Variants in AHDC1 observed in about 807,000 individuals in gnomAD.
The protein encoded by AHDC1 is transcription factor Gibbin.
In AHDC1, 7 loss-of-function variants were observed where a neutral mutation model predicts 87.9. The ratio of observed to expected loss-of-function variants is 0.08; its 90% CI spans 0.05 to 0.15. AHDC1 has a LOEUF of 0.15. AHDC1 is among the 10% of genes least tolerant of loss of function. The pLI is 1.00. For missense variants in AHDC1, 1,841 were observed against 2,253.2 expected, an observed-to-expected ratio of 0.82 and a Z score of 3.70; for synonymous variants, 1,051 against 1,006.8, an observed-to-expected ratio of 1.04 and a Z score of -0.83.
At position 27,560,472 on chromosome 1, in the gene AHDC1, C is replaced by T. The variant is rs1327761458; in HGVS notation, c.-628-1589G>A. Among the ~76,000 whole-genome samples, 3 of 152,138 alleles carry T rather than the reference C, an allele frequency of 2.0e-5. No individual in the cohort carries two copies. Among genetic ancestry groups the T allele is most frequent in the East Asian group, 1.9e-4 (1 of 5,200 alleles). ...TGCTGTCCCTGCAGGTTTCCAATCT[C>T]GAGGCCTGTGACTGCAGGCACTGGT... On this transcript the variant is annotated intron_variant, in intron 3 of 8. Coordinates refer to ENST00000673934, the MANE Select transcript of AHDC1 (RefSeq NM_001371928.1). The surrounding 1 kb of genome is among the most constrained non-coding windows in gnomAD (Gnocchi z 4.1).
At chr1:27,572,215 G>A (rs1253587572) in intron 3 of AHDC1, among the ~76,000 whole-genome samples, 1 of 152,114 alleles carries the variant, frequency 6.6e-6, no homozygotes, top group African/African-American at 2.4e-5. Flanking sequence ...GGGTTAAAAG[G>A]TCAATTCACG....
chr1:27,602,180 C>T (rs2089547099), intron 3 of AHDC1, among the ~76,000 whole-genome samples: 1 of 152,100 alleles, frequency 6.6e-6, no homozygotes, highest in Non-Finnish European at 1.5e-5. Context: ...GCCCCAGGGC[C>T]CCCAAGCTGG....
In AHDC1 at chr1:27,562,432, A is replaced by G. The variant is rs563086959; in HGVS notation, c.-628-3549T>C. Among the ~76,000 whole-genome samples the G allele has an allele frequency of 2.0e-5, 3 of 152,184 alleles. No homozygotes were observed. In the East Asian group the frequency reaches 5.8e-4, roughly 29 times the overall value. On this transcript the variant is annotated intron_variant, in intron 3 of 8. Coordinates refer to ENST00000673934, the MANE Select transcript of AHDC1 (RefSeq NM_001371928.1). This position sits in a 1 kb window ranked among gnomAD's most constrained non-coding sequence, Gnocchi z 4.4. ...AGTTTAACAGTTTCAGGGGCAGGAG[A>G]GGCAGGAAATAGGGTCCCCAGGCCC...
chr1:27,569,231 G>T (rs1383811771), intron 3 of AHDC1, among the ~76,000 whole-genome samples: 2 of 152,034 alleles, frequency 1.3e-5, no homozygotes, highest in African/African-American at 2.4e-5. Context: ...CTGCAATCCT[G>T]GCTCCACACT....
chr1:27,538,540 G>T (rs1188787405), intron 8 of AHDC1, among the ~76,000 whole-genome samples: 1 of 150,850 alleles, frequency 6.6e-6, no homozygotes, highest in Admixed American at 6.6e-5. Flanking sequence ...TTTGAGACAG[G>T]TTCTCACTCT....
At position 27,560,539 on chromosome 1, in the gene AHDC1, T is replaced by C. The variant is rs1215995374; in HGVS notation, c.-628-1656A>G. Among the ~76,000 whole-genome samples, 1 of 152,052 alleles carries C rather than the reference T, an allele frequency of 6.6e-6. No homozygotes were observed. The highest frequency in any genetic ancestry group is 1.5e-5 in the Non-Finnish European group (1 of 67,994). ...GTTGCCTCCCTCCCACCTCTGCCTTTCTCTGGGTTTTCAGGGTCATGGTGT... is the reference window on the plus strand; with the variant it reads ...GTTGCCTCCCTCCCACCTCTGCCTTCCTCTGGGTTTTCAGGGTCATGGTGT... On this transcript the variant is annotated intron_variant, in intron 3 of 8. Coordinates refer to ENST00000673934, the MANE Select transcript of AHDC1 (RefSeq NM_001371928.1). This position sits in a 1 kb window ranked among gnomAD's most constrained non-coding sequence, Gnocchi z 4.1.
Position 27,568,765 on chromosome 1 carries a change from C to T in AHDC1, c.-628-9882G>A, listed in dbSNP as rs562652959. On this transcript the variant is annotated intron_variant, in intron 3 of 8. Coordinates refer to ENST00000673934, the MANE Select transcript of AHDC1 (RefSeq NM_001371928.1). ...GCGCCCCTCAGGTGGGAGCCTGCGG[C>T]GGGCCGGGCCGGGCCGGGGCGCTCT... 4.0e-5 allele frequency among the ~76,000 whole-genome samples: 6 copies of T among 151,052 alleles called. No individual in the cohort carries two copies. In the East Asian group the frequency reaches 1.2e-3, roughly 30 times the overall value.
At position 27,550,877 on chromosome 1, in the gene AHDC1, T is replaced by C. The variant is rs2148288100; in HGVS notation, c.1239A>G (p.Leu413=). The part of the protein sequence containing the change: ...RKADAGPEGR[L]LPLPMPTGLV... ...GCCCCGTGGGCATAGGCAGGGGCAG[T>C]AGGCGGCCCTCGGGTCCGGCGTCTG... The change falls in exon 8 of 9, where the codon CTA becomes CTG. Residue 413 remains leucine (L), a synonymous_variant. Transcript: ENST00000673934. 1 of 1,581,792 alleles carries C rather than the reference T, an allele frequency of 6.3e-7. No individual in the cohort carries two copies. Among genetic ancestry groups the C allele is most frequent in the Non-Finnish European group, 8.6e-7 (1 of 1,168,952 alleles).
rs1179505060 is a variant in AHDC1, at chr1:27,552,015, G to T, written c.101C>A (p.Thr34Asn). The change falls in exon 8 of 9, where the codon ACC becomes AAC. Residue 34 changes from threonine to asparagine, a missense_variant. Physicochemically the swap from Thr to Asn is moderately conservative, Grantham distance 65. This residue lies in a region of AHDC1 where 142 missense variants were observed against 165.6 expected (regional missense o/e 0.86). Coordinates refer to ENST00000673934, the MANE Select transcript of AHDC1 (RefSeq NM_001371928.1). ...EPKYYPGGPP[T>N]PRPLLPTRPP... The stretch of plus-strand genomic sequence containing the variant: ...CCGGGTGGGAAGCAGGGGCCGGGGG[G>T]TGGGGGGGCCGCCGGGGTAGTACTT... 7 of 1,470,158 alleles carry T rather than the reference G, an allele frequency of 4.8e-6. No individual in the cohort carries two copies. The Admixed American group carries it at 1.0e-4, about 21-fold the overall frequency. 91.1% of individuals were successfully genotyped at this position (1,470,158 alleles called of 1,614,324 possible).
chr1:27,551,592 T>C lies in AHDC1; in HGVS notation c.524A>G (p.Asn175Ser). 2 of 1,611,316 alleles carry C rather than the reference T, an allele frequency of 1.2e-6. No individual in the cohort carries two copies. The highest frequency in any genetic ancestry group is 1.7e-5 in the Admixed American group (1 of 59,976). Residue 175 changes from asparagine to serine, a missense_variant, in exon 8 of 9, where the codon AAC (asparagine) becomes AGC (serine). Asn to Ser is a conservative substitution (Grantham distance 46). Coordinates refer to ENST00000673934, the MANE Select transcript of AHDC1 (RefSeq NM_001371928.1). ...YSFFSSPSLA[N>S]SIRSPEERAT... is the part of the protein sequence containing the mutation. Reference sequence around the variant, plus strand: ...CCGCTCCTCAGGGCTACGGATGCTGTTGGCCAAACTGGGTGAGGAGAAGAA... The same window carrying C: ...CCGCTCCTCAGGGCTACGGATGCTGCTGGCCAAACTGGGTGAGGAGAAGAA...
Position 27,563,230 on chromosome 1 carries a change from GAC to G in AHDC1, c.-628-4349_-628-4348del, listed in dbSNP as rs200108775. 6.5e-5 allele frequency among the ~76,000 whole-genome samples: 9 copies of G among 138,816 alleles called. No homozygotes were observed. Among genetic ancestry groups the G allele is most frequent in the South Asian group, 2.4e-4 (1 of 4,232 alleles). 91.1% of individuals were successfully genotyped at this position (138,816 alleles called of 152,430 possible). ...CAGAACCTGTCACACAGCTGACCAA[GAC>G]ACACACACACGCACGCATGCATGCA... On this transcript the variant is annotated intron_variant, in intron 3 of 8. Coordinates refer to ENST00000673934, the MANE Select transcript of AHDC1 (RefSeq NM_001371928.1). The surrounding 1 kb of genome is among the most constrained non-coding windows in gnomAD (Gnocchi z 6.1).
rs185685539 is a variant in AHDC1 at position 27,551,300 on chromosome 1, C to T, written c.816G>A (p.Glu272=). 246 of 1,611,636 alleles carry T rather than the reference C, an allele frequency of 1.5e-4. No individual in the cohort carries two copies. The highest frequency in any genetic ancestry group is 1.9e-4 in the Non-Finnish European group (224 of 1,179,322). ...QALEPPSPEP[E]PQLLDPQPRF... ...GGGGCTGGGGGTCCAGGAGCTGAGG[C>T]TCCGGCTCGGGCGATGGTGGCTCGA... Residue 272 remains glutamate (E), a synonymous_variant, in exon 8 of 9, where the codon GAG becomes GAA. Coordinates refer to ENST00000673934, the MANE Select transcript of AHDC1 (RefSeq NM_001371928.1).
chr1:27,578,056 A>G (rs1430385668), intron 3 of AHDC1, among the ~76,000 whole-genome samples: 1 of 152,188 alleles, frequency 6.6e-6, no homozygotes, highest in African/African-American at 2.4e-5. Context: ...ATTCTGGCTC[A>G]TAACTCCTCT....
At chr1:27,586,281 G>A (rs1488454025) in intron 3 of AHDC1, among the ~76,000 whole-genome samples, 1 of 152,094 alleles carries the variant, frequency 6.6e-6, no homozygotes, top group Non-Finnish European at 1.5e-5. Context: ...CGAGAAGAGG[G>A]AGGGAAAGGA....
intron 3 of AHDC1, among the ~76,000 whole-genome samples, chr1:27,569,909 G>A (rs936600370): frequency 3.9e-5 from 6 of 151,966 alleles, no homozygotes; most frequent in African/African-American, 1.2e-4. Context: ...TGGGGGAGGC[G>A]GCACTGTGAT....
Position 27,547,492 on chromosome 1 carries a change from G to C in AHDC1, c.4624C>G (p.Leu1542Val). Residue 1542 changes from leucine (L) to valine (V), a missense_variant, in exon 8 of 9, where the codon CTC becomes GTC. Transcript: ENST00000673934. The surrounding 1 kb of genome is among the most constrained non-coding windows in gnomAD (Gnocchi z 4.9). ...AAAAAGYGCPLLSDLTLSPVP... is the reference protein window; with the variant it reads ...AAAAAGYGCPVLSDLTLSPVP... The stretch of plus-strand genomic sequence containing the variant: ...GGGGACAGGGTCAAGTCACTAAGGA[G>C]TGGGCAGCCATAGCCAGCAGCGGCT... 6.2e-7 allele frequency: 1 copy of C among 1,605,786 alleles called. No homozygotes were observed. Among genetic ancestry groups the C allele is most frequent in the Non-Finnish European group, 8.5e-7 (1 of 1,174,490 alleles).
rs766220211 is a variant in AHDC1 at position 27,547,549 on chromosome 1, G to A, written c.4567C>T (p.Arg1523Trp). 17 of 1,610,946 alleles carry A rather than the reference G, an allele frequency of 1.1e-5. No homozygotes were observed. The highest frequency in any genetic ancestry group is 1.7e-4 in the Middle Eastern group (1 of 6,024). Residue 1523 changes from arginine (R) to tryptophan (W), a missense_variant, in exon 8 of 9, where the codon CGG becomes TGG. Arg to Trp is a moderately radical substitution (Grantham distance 101, BLOSUM62 -3). Coordinates refer to ENST00000673934, the MANE Select transcript of AHDC1 (RefSeq NM_001371928.1). The surrounding 1 kb of genome is among the most constrained non-coding windows in gnomAD (Gnocchi z 4.9). Reference protein sequence around the residue: ...KADKEPLEMARPPGPPRGPAA... With the variant: ...KADKEPLEMAWPPGPPRGPAA... ...GGGCCACGGGGTGGGCCAGGGGGCCGGGCCATTTCCAGTGGCTCCTTGTCG... is the reference window on the plus strand; with the variant it reads ...GGGCCACGGGGTGGGCCAGGGGGCCAGGCCATTTCCAGTGGCTCCTTGTCG...
At position 27,598,892 on chromosome 1, in the gene AHDC1, G is replaced by A. The variant is rs555949924; in HGVS notation, c.-629+4505C>T. Among the ~76,000 whole-genome samples, 5 of 152,212 alleles carry A rather than the reference G, an allele frequency of 3.3e-5. No individual in the cohort carries two copies. The highest frequency in any genetic ancestry group is 1.9e-4 in the East Asian group (1 of 5,182). ...ACCTTGCACTGGTGACAGCGCCCCC[G>A]TCACAAAGCCAGCAGCTTCAGACAG... is the stretch of plus-strand genomic sequence containing the variant. On this transcript the variant is annotated intron_variant, in intron 3 of 8. Coordinates refer to ENST00000673934, the MANE Select transcript of AHDC1 (RefSeq NM_001371928.1). This position sits in a 1 kb window ranked among gnomAD's most constrained non-coding sequence, Gnocchi z 4.2.
At position 27,551,815 on chromosome 1, in the gene AHDC1, C is replaced by A. The variant is rs1320487824; in HGVS notation, c.301G>T (p.Val101Phe). 1.2e-6 allele frequency: 2 copies of A among 1,612,278 alleles called. No individual in the cohort carries two copies. Among genetic ancestry groups the A allele is most frequent in the East Asian group, 4.5e-5 (2 of 44,848 alleles). Reference protein sequence around the residue: ...PVSQARCPTPVGDGSSSRRCW... With the variant: ...PVSQARCPTPFGDGSSSRRCW... ...CGTCGGGAGCTGCTGCCGTCTCCGA[C>A]CGGTGTGGGGCAGCGGGCCTGTGAG... is the stretch of plus-strand genomic sequence containing the variant. The change falls in exon 8 of 9, where the codon GTC (valine) becomes TTC (phenylalanine). Residue 101 changes from valine (V) to phenylalanine (F), a missense_variant. Physicochemically the swap from Val to Phe is conservative, Grantham distance 50. Around this residue, in one of 13 missense-constraint regions of AHDC1, gnomAD observed 142 missense variants for 165.6 expected, o/e 0.86. Transcript: ENST00000673934.
Sources: allele counts gnomAD v4.1 joint callset (sites outside exome capture counted in the v4.1 genomes callset), GRCh38; gene constraint gnomAD v4.1.1; regional missense constraint gnomAD v4.1.1; non-coding constraint Gnocchi (gnomAD v3.1); transcripts MANE v1.5; gene names NCBI Gene and HGNC (gene_info 2026-07-23, HGNC 2026-07-21).